The following ACAD10 variants were observed in gnomAD, a reference collection of about 807,000 sequenced individuals.
The protein encoded by ACAD10 is ACAD-10.
In ACAD10, 112 loss-of-function variants were observed where a neutral mutation model predicts 116.8. The ratio of observed to expected loss-of-function variants is 0.96; its 90% CI spans 0.82 to 1.12. ACAD10 has a LOEUF of 1.12. Ranked by LOEUF, ACAD10 falls within the 50% of genes most tolerant of loss-of-function variation. The probability of loss-of-function intolerance (pLI) is 0.00; values close to 1 mark genes in which losing one functional copy is unlikely to be tolerated. For missense variants in ACAD10, 1,259 were observed against 1,350.2 expected, an observed-to-expected ratio of 0.93 and a Z score of 1.06; for synonymous variants, 486 against 510.6, an observed-to-expected ratio of 0.95 and a Z score of 0.65.
chr12:111,702,819 C>T (rs1323455413), intron 3 of ACAD10, among the ~76,000 whole-genome samples: 2 of 151,936 alleles, frequency 1.3e-5, no homozygotes, highest in Admixed American at 6.6e-5. Flanking sequence ...CTTAGCCAGG[C>T]GTGGTGGCTA....
chr12:111,706,122 C>A (rs1402931399), intron 4 of ACAD10, among the ~76,000 whole-genome samples, 190 bp downstream of exon 4: 4 of 152,174 alleles, frequency 2.6e-5, no homozygotes, highest in Admixed American at 1.3e-4. Context: ...TTAGCAAGGT[C>A]AGACATTTAT....
At chr12:111,706,036 T>C (rs1888493643) in intron 4 of ACAD10, 104 bp downstream of exon 4, 2 of 1,261,372 alleles carry the variant, frequency 1.6e-6, no homozygotes, top group Admixed American at 4.5e-5. Flanking sequence ...GAGGGAGTTT[T>C]TCCTTCAGCC....
intron 12 of ACAD10, among the ~76,000 whole-genome samples, chr12:111,738,826 G>A (rs943026939): frequency 5.3e-5 from 8 of 152,048 alleles, no homozygotes; most frequent in Non-Finnish European, 1.0e-4. Context: ...AGCTGAGATC[G>A]CGCCTGTGCA....
chr12:111,731,523 C>A (rs766580931), intron 10 of ACAD10, among the ~76,000 whole-genome samples: 4 of 152,218 alleles, frequency 2.6e-5, no homozygotes, highest in African/African-American at 4.8e-5. Context: ...GGCACCTCAA[C>A]AATCCACGAA....
At chr12:111,730,059 A>G (rs1262525134) in intron 10 of ACAD10, 103 bp downstream of exon 10, 15 of 1,446,092 alleles carry the variant, frequency 1.0e-5, no homozygotes, top group African/African-American at 2.8e-5. Flanking sequence ...AATTATTCCT[A>G]TTACAAAGCA....
chr12:111,723,214 C>T (rs1310933509), intron 8 of ACAD10, among the ~76,000 whole-genome samples: 59 of 136,098 alleles, frequency 4.3e-4, no homozygotes, highest in Middle Eastern at 4.1e-3. Context: ...TCCTCCCTCC[C>T]GGACGGGGCG....
chr12:111,704,110 G>A (rs1402925527), intron 3 of ACAD10, among the ~76,000 whole-genome samples: 1 of 151,446 alleles, frequency 6.6e-6, no homozygotes, highest in Non-Finnish European at 1.5e-5. Flanking sequence ...GAAATGAGGA[G>A]TGACTGTTAA....
chr12:111,729,696 C>T (rs1476153710), intron 9 of ACAD10, 110 bp from the exon 10 acceptor site: 8 of 1,330,086 alleles, frequency 6.0e-6, no homozygotes, highest in Non-Finnish European at 8.3e-6. Flanking sequence ...AAAGACACTG[C>T]ACCACCCAGT....
chr12:111,710,030 C>G (rs1188494619), intron 5 of ACAD10: 1 of 341,482 alleles, frequency 2.9e-6, no homozygotes, highest in African/African-American at 2.2e-5. Flanking sequence ...GGCCATGCAG[C>G]TCACTGCTGT....
At chr12:111,717,162 G>A (rs1414417469) in intron 7 of ACAD10, among the ~76,000 whole-genome samples, 1 of 152,046 alleles carries the variant, frequency 6.6e-6, no homozygotes, top group Admixed American at 6.6e-5. Flanking sequence ...TTCGAGCCCA[G>A]CCTGGGCAAC....
intron 10 of ACAD10, among the ~76,000 whole-genome samples, chr12:111,731,160 C>T (rs1237731790): frequency 2.6e-5 from 4 of 152,204 alleles, no homozygotes; most frequent in Non-Finnish European, 5.9e-5. Context: ...GTCCCTCGCT[C>T]CCGGCTTCTT....
intron 12 of ACAD10, among the ~76,000 whole-genome samples, chr12:111,738,782 A>G (rs1277765830): frequency 6.6e-6 from 1 of 152,080 alleles, no homozygotes; most frequent in African/African-American, 2.4e-5. Context: ...CAGGAGAGAG[A>G]ATCACTTGAA....
intron 12 of ACAD10, among the ~76,000 whole-genome samples, chr12:111,743,369 GTTTTT>G (rs869257828): frequency 7.3e-6 from 1 of 136,434 alleles, no homozygotes; most frequent in Non-Finnish European, 1.6e-5. Context: ...GAAATATTCT[GTTTTT>G]TTTTTTTTTT....
At chr12:111,700,811 T>A (rs762387558) in intron 2 of ACAD10, among the ~76,000 whole-genome samples, 1 of 148,448 alleles carries the variant, frequency 6.7e-6, no homozygotes, top group Non-Finnish European at 1.5e-5. Context: ...TAGGCTGCAG[T>A]GCGGTGGCAC....
Position 111,733,977 on chromosome 12 carries a change from C to G in ACAD10, c.1449C>G (p.Asp483Glu), listed in dbSNP as rs763337739. ...AGCCAGAGGTGCTTGCTGTCCTTGA[C>G]TGGGAACTTTCTACCTTGGGCGACC... ...PEEPEVLAVL[D>E]WELSTLGDPL... The change falls in exon 11 of 21, where the codon GAC becomes GAG. Residue 483 changes from aspartate to glutamate, a missense_variant. Physicochemically the swap from Asp to Glu is conservative, Grantham distance 45 (BLOSUM62 2). Coordinates refer to ENST00000313698, the MANE Select transcript of ACAD10 (RefSeq NM_025247.6). 1.2e-6 allele frequency: 2 copies of G among 1,614,220 alleles called. No homozygotes were observed. Among genetic ancestry groups the G allele is most frequent in the Non-Finnish European group, 1.7e-6 (2 of 1,180,030 alleles).
At chr12:111,752,168 C>T (rs908364446) in intron 18 of ACAD10, among the ~76,000 whole-genome samples, 1 of 150,872 alleles carries the variant, frequency 6.6e-6, no homozygotes, top group Non-Finnish European at 1.5e-5. Context: ...GAGGCTGCAG[C>T]GACCTGTGAG....
At chr12:111,749,545 C>T (rs1593055625) in intron 18 of ACAD10, 200 bp downstream of exon 18, 1 of 708,482 alleles carries the variant, frequency 1.4e-6, no homozygotes, top group Non-Finnish European at 2.3e-6. Flanking sequence ...ATGGACCCCA[C>T]TCTGTCGAGG....
At chr12:111,727,874 C>T (rs1030866214) in intron 8 of ACAD10, 88 bp from the exon 9 acceptor site, 1 of 1,357,588 alleles carries the variant, frequency 7.4e-7, no homozygotes, top group Non-Finnish European at 1.0e-6. Flanking sequence ...CCTGTATACC[C>T]AGGGAAAGTG....
intron 18 of ACAD10, among the ~76,000 whole-genome samples, chr12:111,752,332 T>G (rs943843642): frequency 6.6e-6 from 1 of 151,046 alleles, no homozygotes; most frequent in African/African-American, 2.4e-5. Flanking sequence ...GGCCGGGTGC[T>G]GTGGTTCATG....
Sources: allele counts gnomAD v4.1 joint callset (sites outside exome capture counted in the v4.1 genomes callset), GRCh38; gene constraint gnomAD v4.1.1; transcripts MANE v1.5; gene names NCBI Gene and HGNC (gene_info 2026-07-23, HGNC 2026-07-21).